Variants in KCNH7 observed in about 807,000 individuals in gnomAD.
KCNH7 encodes the protein voltage-gated inwardly rectifying potassium channel KCNH7.
In KCNH7, 49 loss-of-function variants were observed where a neutral mutation model predicts 120.8. The ratio of observed to expected loss-of-function variants is 0.41; its 90% CI spans 0.32 to 0.51. The LOEUF (loss-of-function observed/expected upper bound fraction) is 0.51, where lower values mean the gene tolerates loss of function less well. Among genes scored for constraint, KCNH7 ranks in the 20% least tolerant of loss-of-function variants. The pLI is 0.38. For missense variants in KCNH7, 1,097 were observed against 1,446.6 expected, an observed-to-expected ratio of 0.76 and a Z score of 3.92; for synonymous variants, 547 against 516.1, an observed-to-expected ratio of 1.06 and a Z score of -0.81.
intron 9 of KCNH7, among the ~76,000 whole-genome samples, chr2:162,416,904 T>C (rs1687558114): frequency 6.6e-6 from 1 of 152,130 alleles, no homozygotes; most frequent in Admixed American, 6.6e-5. Context: ...TGAAACGTAA[T>C]GATTATGTAT....
intron 2 of KCNH7, among the ~76,000 whole-genome samples, chr2:162,595,366 G>A (rs754974984): frequency 9.9e-5 from 15 of 151,978 alleles, no homozygotes; most frequent in Non-Finnish European, 2.1e-4. Flanking sequence ...CCATTGACAA[G>A]TGAGGATTAT....
intron 2 of KCNH7, among the ~76,000 whole-genome samples, chr2:162,649,557 T>C (rs775285887): frequency 1.3e-5 from 2 of 152,170 alleles, no homozygotes; most frequent in Non-Finnish European, 2.9e-5. Flanking sequence ...GTGTGCTGAC[T>C]CTTAGAGATT....
rs1686071214 is a variant in KCNH7, at chr2:162,690,718, G to A, written c.307+145819C>T. 3.9e-5 allele frequency among the ~76,000 whole-genome samples: 5 copies of A among 128,602 alleles called. No homozygotes were observed. The Middle Eastern group carries it at 0.018, about 466-fold the overall frequency. 84.4% of individuals were successfully genotyped at this position (128,602 alleles called of 152,430 possible). A position where few individuals can be genotyped will look rare whatever the true frequency, so the allele number is the denominator to read the frequency against. On this transcript the variant is annotated intron_variant, in intron 2 of 15. Coordinates refer to ENST00000332142, the MANE Select transcript of KCNH7 (RefSeq NM_033272.4). The stretch of plus-strand genomic sequence containing the variant: ...TACAACCCAACAAGGACAAAGAGAA[G>A]GAAGGGAAGCAATATACAGTAGAAT...
At chr2:162,520,651 C>A (rs1364425774) in intron 3 of KCNH7, among the ~76,000 whole-genome samples, 1 of 151,880 alleles carries the variant, frequency 6.6e-6, no homozygotes, top group South Asian at 2.1e-4. Context: ...TGCCTGTAGT[C>A]CGAGCCAGTC....
At chr2:162,519,222 C>T (rs985500257) in intron 3 of KCNH7, among the ~76,000 whole-genome samples, 1 of 151,686 alleles carries the variant, frequency 6.6e-6, no homozygotes, top group Non-Finnish European at 1.5e-5. Flanking sequence ...CAGTAATCCA[C>T]ATATGGGATA....
chr2:162,765,957 A>T (rs1188012766), intron 2 of KCNH7, among the ~76,000 whole-genome samples: 1 of 151,916 alleles, frequency 6.6e-6, no homozygotes, highest in Non-Finnish European at 1.5e-5. Context: ...GGGTCTCACT[A>T]TGTTGCCCAG....
intron 4 of KCNH7, among the ~76,000 whole-genome samples, chr2:162,514,934 A>G (rs547408909): frequency 6.6e-6 from 1 of 151,882 alleles, no homozygotes; most frequent in East Asian, 2.0e-4. Flanking sequence ...CAACAACCCA[A>G]CTTCGAAATC....
chr2:162,382,534 A>G (rs1197193916), intron 13 of KCNH7, among the ~76,000 whole-genome samples: 2 of 152,030 alleles, frequency 1.3e-5, no homozygotes, highest in African/African-American at 2.4e-5. Flanking sequence ...TGAGTAGACA[A>G]TTTTCCTAGA....
At chr2:162,550,580 C>T (rs1692636051) in intron 2 of KCNH7, among the ~76,000 whole-genome samples, 1 of 152,086 alleles carries the variant, frequency 6.6e-6, no homozygotes, top group Admixed American at 6.6e-5. Flanking sequence ...CTGCTTGCCC[C>T]TGGTGGCTCT....
chr2:162,489,962 T>A (rs1690233525), intron 6 of KCNH7, among the ~76,000 whole-genome samples: 1 of 152,252 alleles, frequency 6.6e-6, no homozygotes, highest in Admixed American at 6.5e-5. Flanking sequence ...ATTTGGCAAT[T>A]CAAGATGAAT....
In KCNH7 at chr2:162,541,708, A is replaced by G. The variant is rs185195995; in HGVS notation, c.308-4628T>C. Among the ~76,000 whole-genome samples, 18 of 152,074 alleles carry G rather than the reference A, an allele frequency of 1.2e-4. No individual in the cohort carries two copies. The East Asian group carries it at 3.3e-3, about 28-fold the overall frequency. On this transcript the variant is annotated intron_variant, in intron 2 of 15. Coordinates refer to ENST00000332142, the MANE Select transcript of KCNH7 (RefSeq NM_033272.4). ...CTGTAAGAGGCGGGGGATCGGGGAA[A>G]GGGAACATCAGGCAGAATAGCTAAT...
chr2:162,530,894 T>C (rs1691899542), intron 3 of KCNH7, among the ~76,000 whole-genome samples: 1 of 151,960 alleles, frequency 6.6e-6, no homozygotes, highest in Non-Finnish European at 1.5e-5. Flanking sequence ...GTATCAAGCA[T>C]AATTTGTCTT....
At chr2:162,499,015 G>A (rs1393128090) in intron 6 of KCNH7, among the ~76,000 whole-genome samples, 2 of 152,032 alleles carry the variant, frequency 1.3e-5, no homozygotes, top group Non-Finnish European at 2.9e-5. Flanking sequence ...AGTATTGACT[G>A]ATACAATGGC....
intron 2 of KCNH7, among the ~76,000 whole-genome samples, chr2:162,707,876 TTTCTTTTC>T (rs1686770508): frequency 6.6e-6 from 1 of 152,118 alleles, no homozygotes; most frequent in Admixed American, 6.6e-5. Context: ...CTGCACTTGC[TTTCTTTTC>T]TTCCCAGATA....
At chr2:162,396,165 T>C (rs192663220) in intron 11 of KCNH7, among the ~76,000 whole-genome samples, 1 of 151,912 alleles carries the variant, frequency 6.6e-6, no homozygotes, top group Non-Finnish European at 1.5e-5. Context: ...TTAACTTACA[T>C]ATATAATTAT....
At chr2:162,680,312 GA>G (rs1259988882) in intron 2 of KCNH7, among the ~76,000 whole-genome samples, 1 of 151,642 alleles carries the variant, frequency 6.6e-6, no homozygotes, top group Non-Finnish European at 1.5e-5. Flanking sequence ...CATACAAACC[GA>G]GTCACATGAA....
intron 7 of KCNH7, among the ~76,000 whole-genome samples, chr2:162,442,545 T>C (rs1688456559): frequency 6.6e-6 from 1 of 152,106 alleles, no homozygotes; most frequent in Non-Finnish European, 1.5e-5. Context: ...TAAGCTCATC[T>C]ATGATGCTTT....
intron 12 of KCNH7, among the ~76,000 whole-genome samples, chr2:162,393,557 T>C (rs1686807349): frequency 6.6e-6 from 1 of 151,828 alleles, no homozygotes; most frequent in South Asian, 2.1e-4. Context: ...ATAGGAAGAT[T>C]GAAGTATTAC....
At chr2:162,637,440 T>C (rs563312218) in intron 2 of KCNH7, among the ~76,000 whole-genome samples, 13 of 152,162 alleles carry the variant, frequency 8.5e-5, no homozygotes, top group African/African-American at 2.9e-4. Flanking sequence ...TTTAACTAAT[T>C]AGAAAGCTCA....
Sources: gnomAD v4.1 joint callset for allele counts (sites outside exome capture counted in the v4.1 genomes callset) on GRCh38, gnomAD v4.1.1 for gene constraint, MANE v1.5 for transcripts, NCBI Gene and HGNC (gene_info 2026-07-23, HGNC 2026-07-21) for gene names.